TTC39C: variants seen among roughly 807,000 people sequenced by gnomAD.
The protein encoded by TTC39C is tetratricopeptide repeat protein 39C.
In TTC39C, 33 loss-of-function variants were observed where a neutral mutation model predicts 76.3. That is an observed-to-expected ratio of 0.43 (90% CI 0.33 to 0.58). The LOEUF (loss-of-function observed/expected upper bound fraction) is 0.58, where lower values mean the gene tolerates loss of function less well. Among genes scored for constraint, TTC39C ranks in the 20% least tolerant of loss-of-function variants. The probability of loss-of-function intolerance (pLI) is 0.04; values close to 1 mark genes in which losing one functional copy is unlikely to be tolerated. For synonymous variants in TTC39C, 254 were observed against 260.6 expected (o/e 0.97, Z 0.24); for missense variants, 595 against 701.4 (o/e 0.85, Z 1.71).
At chr18:24,071,758 T>C (rs1156679162) in intron 4 of TTC39C, among the ~76,000 whole-genome samples, 1 of 152,236 alleles carries the variant, frequency 6.6e-6, no homozygotes, top group Non-Finnish European at 1.5e-5. Context: ...TTGTATTTTA[T>C]CCATAAACTA....
At chr18:24,002,473 G>T (rs2083321170) in intron 1 of TTC39C, among the ~76,000 whole-genome samples, 1 of 152,216 alleles carries the variant, frequency 6.6e-6, no homozygotes, top group Non-Finnish European at 1.5e-5. Context: ...AGGGCAGGTG[G>T]TGTTGGAAAA....
chr18:24,068,371 C>G (rs1030485875), intron 3 of TTC39C, among the ~76,000 whole-genome samples: 1 of 152,166 alleles, frequency 6.6e-6, no homozygotes, highest in Non-Finnish European at 1.5e-5. Flanking sequence ...AAGGGAAACA[C>G]ATCATTCTGG....
chr18:24,091,367 G>A (rs181213169), intron 6 of TTC39C, among the ~76,000 whole-genome samples: 24 of 152,264 alleles, frequency 1.6e-4, no homozygotes, highest in East Asian at 3.9e-4. Context: ...GCTTGAGCCC[G>A]GGGGATGGAG....
chr18:24,064,125 G>GT lies in TTC39C; in HGVS notation c.168-14dup, dbSNP rs774904178. On this transcript the variant is annotated splice_polypyrimidine_tract_variant and intron_variant, in intron 1 of 13. Coordinates refer to ENST00000317571, the MANE Select transcript of TTC39C (RefSeq NM_001135993.2). ...ATAATTGTATTTTGTGTGTGTGTGT[G>GT]TGTTTTTTTAACAGAAATCATAGCC... 47 of 1,599,256 alleles carry GT rather than the reference G, an allele frequency of 2.9e-5. No individual in the cohort carries two copies. The highest frequency in any genetic ancestry group is 2.0e-4 in the African/African-American group (15 of 74,474).
chr18:24,112,930 A>T (rs2084834286), intron 6 of TTC39C, among the ~76,000 whole-genome samples: 1 of 152,168 alleles, frequency 6.6e-6, no homozygotes, highest in Non-Finnish European at 1.5e-5. Context: ...GCGCTCATGC[A>T]CACATTCCTG....
At chr18:24,094,766 A>G (rs2084568288) in intron 6 of TTC39C, among the ~76,000 whole-genome samples, 1 of 152,254 alleles carries the variant, frequency 6.6e-6, no homozygotes, top group African/African-American at 2.4e-5. Context: ...TATTATAAAC[A>G]GATGTGCTGT....
intron 1 of TTC39C, among the ~76,000 whole-genome samples, chr18:24,059,375 C>T (rs1255156292): frequency 3.9e-5 from 6 of 152,144 alleles, no homozygotes; most frequent in African/African-American, 1.2e-4. Context: ...CACCCTCCAT[C>T]GTCAAGTAGG....
At chr18:24,070,520 G>A (rs1050524328) in intron 4 of TTC39C, among the ~76,000 whole-genome samples, 1 of 152,078 alleles carries the variant, frequency 6.6e-6, no homozygotes, top group Non-Finnish European at 1.5e-5. Flanking sequence ...TGACACTCAG[G>A]GACTCTCATA....
rs1434056196 is a variant in TTC39C at position 24,103,722 on chromosome 18, G to A, written c.985-10832G>A. On this transcript the variant is annotated intron_variant, in intron 6 of 13. Coordinates refer to ENST00000317571, the MANE Select transcript of TTC39C (RefSeq NM_001135993.2). ...GCCCTTCCCACCCACCCCTCCTCCT[G>A]CCCCAGTCCCAGCCAACACTGTTTT... 5.1e-5 allele frequency among the ~76,000 whole-genome samples: 4 copies of A among 78,764 alleles called. No homozygotes were observed. In the Admixed American group the frequency reaches 5.1e-4, roughly 10 times the overall value. The allele number at this position is 78,764 out of a possible 152,430, so 51.7% of individuals were successfully genotyped here.
chr18:24,072,905 A>T (rs2084259293), intron 4 of TTC39C, among the ~76,000 whole-genome samples: 1 of 152,110 alleles, frequency 6.6e-6, no homozygotes, highest in South Asian at 2.1e-4. Context: ...CTCAGATGAG[A>T]TTGTTTTCCT....
intron 12 of TTC39C, 146 bp from the exon 13 acceptor site, chr18:24,131,736 A>T: frequency 1.7e-6 from 1 of 605,484 alleles, no homozygotes; most frequent in East Asian, 3.0e-5. Context: ...AAAGAAGAAT[A>T]TTGGAGTCAT....
At position 24,123,947 on chromosome 18, in the gene TTC39C, T is replaced by G. The variant is rs1445080208; in HGVS notation, c.1296+4T>G. 1 of 1,599,566 alleles carries G rather than the reference T, an allele frequency of 6.3e-7. No individual in the cohort carries two copies. The highest frequency in any genetic ancestry group is 8.5e-7 in the Non-Finnish European group (1 of 1,172,176). ...TGAACAGTTCTCGGTGAAAAAGGTA[T>G]GTTGGAGCCTATTGATCTGGTGTAT... is the stretch of plus-strand genomic sequence containing the variant. On this transcript the variant is annotated splice_donor_region_variant and intron_variant, in intron 9 of 13. Coordinates refer to ENST00000317571, the MANE Select transcript of TTC39C (RefSeq NM_001135993.2).
chr18:24,093,574 T>C (rs548177547), intron 6 of TTC39C, among the ~76,000 whole-genome samples: 1 of 152,300 alleles, frequency 6.6e-6, no homozygotes, highest in South Asian at 2.1e-4. Context: ...AAACCAAGTT[T>C]GATGACTTTC....
At chr18:24,109,217 TTGGTGG>T (rs1180327181) in intron 6 of TTC39C, among the ~76,000 whole-genome samples, 2 of 144,350 alleles carry the variant, frequency 1.4e-5, no homozygotes, top group African/African-American at 5.5e-5. Context: ...ATTAGCCAGA[TTGGTGG>T]TGTGCACCTA....
chr18:24,094,476 C>T (rs557629967), intron 6 of TTC39C, among the ~76,000 whole-genome samples: 4 of 152,342 alleles, frequency 2.6e-5, no homozygotes, highest in South Asian at 2.1e-4. Context: ...TTACTTTGCT[C>T]AGATCCATCA....
chr18:24,082,807 C>G, intron 5 of TTC39C, 106 bp from the exon 6 acceptor site: 1 of 1,195,318 alleles, frequency 8.4e-7, no homozygotes, highest in Non-Finnish European at 1.1e-6. Flanking sequence ...GCATAGTAAG[C>G]TTTTTGGATA....
At chr18:24,103,410 ATGTGCAGAACATCCT>A (rs1296327615) in intron 6 of TTC39C, among the ~76,000 whole-genome samples, 1 of 152,200 alleles carries the variant, frequency 6.6e-6, no homozygotes. Context: ...ACAAATGGAG[ATGTGCAGAACATCCT>A]TGTGGTTTGA....
chr18:24,062,652 A>G (rs1318771665), intron 1 of TTC39C, among the ~76,000 whole-genome samples: 1 of 152,164 alleles, frequency 6.6e-6, no homozygotes, highest in Admixed American at 6.5e-5. Context: ...AACCTATTAA[A>G]TGGGAAAAGC....
At chr18:24,097,609 C>T (rs1445311840) in intron 6 of TTC39C, among the ~76,000 whole-genome samples, 1 of 152,162 alleles carries the variant, frequency 6.6e-6, no homozygotes, top group Non-Finnish European at 1.5e-5. Context: ...AGGGCATGAA[C>T]AAGATTAATA....
Sources: gnomAD v4.1 joint callset for allele counts (sites outside exome capture counted in the v4.1 genomes callset) on GRCh38, gnomAD v4.1.1 for gene constraint, MANE v1.5 for transcripts, NCBI Gene and HGNC (gene_info 2026-07-23, HGNC 2026-07-21) for gene names.